Variants in SORBS2 observed in about 807,000 individuals in gnomAD.
SORBS2 encodes the protein sorbin and SH3 domain-containing protein 2.
Under a neutral mutation model 97.7 loss-of-function variants are expected in SORBS2, and 46 were observed. The observed-to-expected ratio is 0.47, with a 90% CI of 0.37 to 0.60. The LOEUF (loss-of-function observed/expected upper bound fraction) is 0.60, where lower values mean the gene tolerates loss of function less well. SORBS2 is among the 20% of genes least tolerant of loss of function. SORBS2 has a pLI of 0.00. For synonymous variants in SORBS2, 476 were observed against 473.4 expected (o/e 1.01, Z -0.07); for missense variants, 1,316 against 1,282.3 (o/e 1.03, Z -0.40).
chr4:185,709,304 C>CTTTTTTTTT lies in SORBS2; in HGVS notation c.-197-30491_-197-30483dup, dbSNP rs70962587. ...GCATGAGCCGCTGTGCTGGCCAAAT[C>CTTTTTTTTT]TTTTTTTTTTTTTTTTTTTTAGTAA... On this transcript the variant is annotated intron_variant, in intron 2 of 20. Coordinates refer to the SORBS2 transcript ENST00000284776. Among the ~76,000 whole-genome samples the CTTTTTTTTT allele has an allele frequency of 2.7e-4, 26 of 96,760 alleles. 1 individual carries two copies. Among genetic ancestry groups the CTTTTTTTTT allele is most frequent in the African/African-American group, 5.7e-4 (14 of 24,380 alleles). The allele number at this position is 96,760 out of a possible 152,430, so 63.5% of individuals were successfully genotyped here.
At chr4:185,942,072 T>C (rs139583280) in intron 1 of SORBS2, among the ~76,000 whole-genome samples, 3 of 152,038 alleles carry the variant, frequency 2.0e-5, no homozygotes, top group Non-Finnish European at 4.4e-5. Flanking sequence ...GCCAAGATCA[T>C]GCCACTGCAC....
chr4:185,715,914 G>A (rs1241709857), intron 2 of SORBS2, among the ~76,000 whole-genome samples: 4 of 152,232 alleles, frequency 2.6e-5, no homozygotes, highest in African/African-American at 9.6e-5. Context: ...ATTCTTAACA[G>A]TCATGCCCAC....
chr4:185,860,889 T>G (rs1480230103), intron 1 of SORBS2, among the ~76,000 whole-genome samples: 1 of 152,158 alleles, frequency 6.6e-6, no homozygotes, highest in African/African-American at 2.4e-5. Flanking sequence ...GTAGCAAGCT[T>G]CAGAGACAGT....
At chr4:185,672,145 C>A (rs2097722316) in intron 4 of SORBS2, among the ~76,000 whole-genome samples, 1 of 152,334 alleles carries the variant, frequency 6.6e-6, no homozygotes, top group African/African-American at 2.4e-5. Context: ...AGTTCTGCAC[C>A]TATTATCCCA....
At chr4:185,670,954 A>C (rs561449289) in intron 4 of SORBS2, among the ~76,000 whole-genome samples, 1 of 152,336 alleles carries the variant, frequency 6.6e-6, no homozygotes, top group East Asian at 1.9e-4. Context: ...ACCCAAATGC[A>C]AGGAGTCAGA....
At chr4:185,586,182 T>TATC (rs2095799800) in exon 15 of SORBS2, 1 of 152,660 alleles carries the variant, frequency 6.6e-6, no homozygotes, top group South Asian at 2.1e-4. Context: ...TAAAAAGTTT[T>TATC]ATCTGTAAGG....
chr4:185,871,270 C>T lies in SORBS2; in HGVS notation c.-338+84926G>A, dbSNP rs1228496276. ...GTGTATTTCAAAATATTCACGTTTC[C>T]GAGAATACCGAGGACATGAAGCTCA... On this transcript the variant is annotated intron_variant, in intron 1 of 20. Transcript: ENST00000284776. Among the ~76,000 whole-genome samples the T allele has an allele frequency of 7.2e-5, 11 of 151,980 alleles. No homozygotes were observed. The East Asian group carries it at 1.5e-3, about 21-fold the overall frequency.
Position 185,813,685 on chromosome 4 carries a change from G to A in SORBS2, c.-337-38319C>T, listed in dbSNP as rs952955417. The stretch of plus-strand genomic sequence containing the variant: ...AACCTTCTCAATCTGACTGCTCCTC[G>A]CCCCAGCACCTTTAACCTCCATCCC... On this transcript the variant is annotated intron_variant, in intron 1 of 20. Transcript: ENST00000284776. 3.3e-5 allele frequency among the ~76,000 whole-genome samples: 5 copies of A among 152,164 alleles called. No homozygotes were observed. The East Asian group carries it at 7.7e-4, about 23-fold the overall frequency.
chr4:185,676,942 A>G, intron 4 of SORBS2: 1 of 1,420,460 alleles, frequency 7.0e-7, no homozygotes, highest in South Asian at 1.3e-5. Context: ...CAAAGGAGTT[A>G]GGGTCTCTAC....
At chr4:185,855,339 G>A (rs554512737) in intron 1 of SORBS2, among the ~76,000 whole-genome samples, 35 of 152,170 alleles carry the variant, frequency 2.3e-4, no homozygotes, top group African/African-American at 6.7e-4. Context: ...CAGTACATAC[G>A]TGGACACACA....
At chr4:185,599,897 G>A (rs888356530) in intron 12 of SORBS2, among the ~76,000 whole-genome samples, 5 of 144,026 alleles carry the variant, frequency 3.5e-5, no homozygotes, top group Admixed American at 1.4e-4. Context: ...CCCTGGGGGC[G>A]GGGGAGGTGG....
intron 1 of SORBS2, among the ~76,000 whole-genome samples, chr4:185,795,105 G>A (rs1053487646): frequency 2.0e-5 from 3 of 152,114 alleles, no homozygotes; most frequent in African/African-American, 4.8e-5. Context: ...TGCTTAGAAC[G>A]GCCAGGTGTT....
chr4:185,839,136 G>A (rs78114336), intron 1 of SORBS2, among the ~76,000 whole-genome samples: 5,637 of 152,256 alleles, frequency 0.037, 175 homozygotes, highest in East Asian at 0.16. Context: ...ATCCAGTAAC[G>A]GTGGGACTTA....
intron 9 of SORBS2, 23 bp downstream of exon 21, chr4:185,618,562 T>C (rs779707304): frequency 1.5e-6 from 2 of 1,365,368 alleles, no homozygotes; most frequent in Non-Finnish European, 2.0e-6. Flanking sequence ...TTAAATCATA[T>C]GATGAGTATT....
intron 2 of SORBS2, among the ~76,000 whole-genome samples, chr4:185,697,763 G>GA (rs1339290081): frequency 6.6e-6 from 1 of 152,156 alleles, no homozygotes; most frequent in East Asian, 1.9e-4. Context: ...TTCAATAAGG[G>GA]AAAGTGCCTC....
At chr4:185,845,451 A>C (rs1176448763) in intron 1 of SORBS2, among the ~76,000 whole-genome samples, 3 of 152,228 alleles carry the variant, frequency 2.0e-5, no homozygotes, top group Non-Finnish European at 4.4e-5. Context: ...GCAACAATAA[A>C]AAAATCTGTA....
intron 1 of SORBS2, among the ~76,000 whole-genome samples, chr4:185,820,606 C>T (rs146052370): frequency 6.6e-6 from 1 of 152,180 alleles, no homozygotes; most frequent in African/African-American, 2.4e-5. Flanking sequence ...GCAGCGTGCG[C>T]GGACACCTTG....
intron 1 of SORBS2, among the ~76,000 whole-genome samples, chr4:185,952,036 T>C (rs969406931): frequency 6.8e-6 from 1 of 146,156 alleles, no homozygotes; most frequent in African/African-American, 2.5e-5. Context: ...AGCTTCTTTT[T>C]TTTTTTTTTG....
chr4:185,709,230 G>GGCT (rs2098390771), intron 2 of SORBS2, among the ~76,000 whole-genome samples: 1 of 149,850 alleles, frequency 6.7e-6, no homozygotes, highest in Admixed American at 6.7e-5. Context: ...ATATTGGCCA[G>GGCT]GCTGGTCTTG....
Sources: allele counts gnomAD v4.1 joint callset (sites outside exome capture counted in the v4.1 genomes callset), GRCh38; gene constraint gnomAD v4.1.1; transcripts MANE v1.5; gene names NCBI Gene and HGNC (gene_info 2026-07-23, HGNC 2026-07-21).